ASRGL1: variants seen among roughly 807,000 people sequenced by gnomAD.
ASRGL1 encodes asparaginase and isoaspartyl peptidase 1.
ASRGL1 carries 16 observed loss-of-function variants against 22.4 expected under a neutral mutation model. That is an observed-to-expected ratio of 0.71 (90% CI 0.48 to 1.08). The LOEUF (loss-of-function observed/expected upper bound fraction) is 1.08. Among genes scored for constraint, ASRGL1 ranks in the 50% least tolerant of loss-of-function variants. The probability of loss-of-function intolerance (pLI) is 0.00; values close to 1 mark genes in which losing one functional copy is unlikely to be tolerated. For synonymous variants in ASRGL1, 165 were observed against 159.3 expected, an observed-to-expected ratio of 1.04 and a Z score of -0.27; for missense variants, 412 against 410.1, an observed-to-expected ratio of 1.00 and a Z score of -0.04.
intron 5 of ASRGL1, 39 bp from the exon 6 acceptor site, chr11:62,391,483 T>G: frequency 6.4e-7 from 1 of 1,570,472 alleles, no homozygotes; most frequent in Non-Finnish European, 8.6e-7. Context: ...TTGAATTTCT[T>G]GACTGTTACT....
intron 4 of ASRGL1, among the ~76,000 whole-genome samples, chr11:62,388,571 G>A (rs1947266513): frequency 6.6e-6 from 1 of 151,460 alleles, no homozygotes; most frequent in Non-Finnish European, 1.5e-5. Flanking sequence ...TTGGGAGGCT[G>A]AGGCAGGAGA....
chr11:62,371,467 G>A (rs920031133), intron 4 of ASRGL1: 4 of 618,840 alleles, frequency 6.5e-6, no homozygotes, highest in African/African-American at 3.7e-5. Context: ...TGGATTTAGG[G>A]CTGTGCAGGC....
In ASRGL1 at chr11:62,369,115, T is replaced by C. The variant is rs376759465; in HGVS notation, c.491+11971T>C. Reference sequence around the variant, plus strand: ...CAGGCTATCACATGGGGAGAAACCCTGGACAATATCTGGCTTTGCTAGGCA... The same window carrying C: ...CAGGCTATCACATGGGGAGAAACCCCGGACAATATCTGGCTTTGCTAGGCA... On this transcript the variant is annotated intron_variant, in intron 4 of 6. Transcript: ENST00000415229. 2.0e-5 allele frequency among the ~76,000 whole-genome samples: 3 copies of C among 152,186 alleles called. No homozygotes were observed. In the South Asian group the frequency reaches 6.2e-4, roughly 31 times the overall value.
intron 2 of ASRGL1, among the ~76,000 whole-genome samples, chr11:62,347,563 C>G (rs1390006675): frequency 1.3e-5 from 2 of 152,056 alleles, no homozygotes; most frequent in Admixed American, 1.3e-4. Context: ...ACAGGAAGAC[C>G]AAACTTTGTG....
chr11:62,338,146 G>A lies in ASRGL1; in HGVS notation c.169G>A (p.Asp57Asn). The A allele has an allele frequency of 1.3e-6, 2 of 1,583,852 alleles. No individual in the cohort carries two copies. The highest frequency in any genetic ancestry group is 1.7e-6 in the Non-Finnish European group (2 of 1,166,576). Reference protein sequence around the residue: ...AVEGAVVALEDDPEFNAGCGS... With the variant: ...AVEGAVVALENDPEFNAGCGS... ...AGAGGGAGCTGTCGTCGCCCTGGAA[G>A]ACGATCCCGAGTTCAACGCAGGTAA... The change falls in exon 2 of 7, where the codon GAC becomes AAC. Residue 57 changes from aspartate to asparagine, a missense_variant. By Grantham distance (23) the Asp-to-Asn change is conservative (BLOSUM62 1). Transcript: ENST00000415229.
intron 4 of ASRGL1, chr11:62,373,061 C>T: frequency 7.0e-7 from 1 of 1,430,254 alleles, no homozygotes; most frequent in Non-Finnish European, 9.9e-7. Flanking sequence ...ATGGCATTTT[C>T]TCAGAGCCGG....
At chr11:62,337,836 C>T (rs1945759816) in intron 1 of ASRGL1, 54 bp from the exon 2 acceptor site, 2 of 895,082 alleles carry the variant, frequency 2.2e-6, no homozygotes, top group South Asian at 3.7e-5. Flanking sequence ...CCCCTACCCA[C>T]CCCCAGCTGC....
intron 4 of ASRGL1, among the ~76,000 whole-genome samples, chr11:62,374,443 A>G (rs780773702): frequency 9.2e-5 from 14 of 152,230 alleles, no homozygotes; most frequent in Middle Eastern, 3.4e-3. Context: ...TTTAAAATAG[A>G]TATTTAGTTC....
intron 2 of ASRGL1, among the ~76,000 whole-genome samples, chr11:62,354,762 G>T (rs1021046512): frequency 6.6e-5 from 10 of 152,086 alleles, no homozygotes; most frequent in African/African-American, 2.4e-4. Context: ...GGTTGACTGA[G>T]GATAACTGAA....
intron 2 of ASRGL1, among the ~76,000 whole-genome samples, chr11:62,341,091 A>G (rs926246715): frequency 6.6e-6 from 1 of 152,168 alleles, no homozygotes; most frequent in Non-Finnish European, 1.5e-5. Context: ...TGGCAACCAA[A>G]TGACCATTTG....
At chr11:62,357,224 CTTTTG>C (rs58891136) in intron 4 of ASRGL1, 80 bp downstream of exon 4, 16,126 of 726,716 alleles carry the variant, frequency 0.022, 216 homozygotes, top group African/African-American at 0.041. Flanking sequence ...ATCTACAGTT[CTTTTG>C]TTTTGTTTTG....
chr11:62,375,674 A>G (rs1358302121), intron 4 of ASRGL1, among the ~76,000 whole-genome samples: 1 of 151,572 alleles, frequency 6.6e-6, no homozygotes, highest in African/African-American at 2.4e-5. Context: ...CCCATACACT[A>G]TTATTAACAT....
intron 4 of ASRGL1, among the ~76,000 whole-genome samples, chr11:62,362,614 A>G (rs868680551): frequency 8.6e-5 from 6 of 69,558 alleles, no homozygotes; most frequent in Admixed American, 5.1e-4. Flanking sequence ...TAAAATATAT[A>G]TTATATATTA....
chr11:62,353,190 T>A (rs980405127), intron 2 of ASRGL1, among the ~76,000 whole-genome samples: 5 of 152,186 alleles, frequency 3.3e-5, no homozygotes, highest in African/African-American at 1.2e-4. Flanking sequence ...TTGTCTGTTC[T>A]GCTGTTAAGC....
intron 4 of ASRGL1, among the ~76,000 whole-genome samples, chr11:62,363,811 A>G (rs1310606463): frequency 1.3e-5 from 2 of 152,162 alleles, no homozygotes; most frequent in East Asian, 3.8e-4. Context: ...ATGTTGACTC[A>G]AGAAAGATTG....
intron 2 of ASRGL1, among the ~76,000 whole-genome samples, chr11:62,356,027 A>G (rs1946282820): frequency 6.6e-6 from 1 of 152,210 alleles, no homozygotes; most frequent in Non-Finnish European, 1.5e-5. Context: ...ACTTCCTTCT[A>G]CACAGACACG....
At chr11:62,356,231 G>A (rs1288976226) in intron 2 of ASRGL1, 94 bp from the exon 3 acceptor site, 4 of 1,468,974 alleles carry the variant, frequency 2.7e-6, no homozygotes. Flanking sequence ...CCCGGATGGG[G>A]CGGCTGGCCG....
chr11:62,383,896 A>G (rs1477685569), intron 4 of ASRGL1, among the ~76,000 whole-genome samples: 1 of 142,606 alleles, frequency 7.0e-6, no homozygotes, highest in Admixed American at 7.3e-5. Context: ...CCTGGGCGAC[A>G]GGGCAAGAGT....
rs368572370 is a variant in ASRGL1, at chr11:62,392,139, G to A, written c.782G>A (p.Gly261Asp). 6.2e-7 allele frequency: 1 copy of A among 1,614,226 alleles called. No homozygotes were observed. Among genetic ancestry groups the A allele is most frequent in the African/African-American group, 1.3e-5 (1 of 75,042 alleles). ...SLGYMKSRVK[G>D]LGGLIVVSKT... ...GGTTATATGAAGTCAAGGGTTAAAGGTTTAGGTGGCCTCATCGTGGTTAGC... is the reference window on the plus strand; with the variant it reads ...GGTTATATGAAGTCAAGGGTTAAAGATTTAGGTGGCCTCATCGTGGTTAGC... The change falls in exon 7 of 7, where the codon GGT (glycine) becomes GAT (aspartate). Residue 261 changes from glycine (G) to aspartate (D), a missense_variant. Transcript: ENST00000415229.
Sources: gnomAD v4.1 joint callset for allele counts (sites outside exome capture counted in the v4.1 genomes callset) on GRCh38, gnomAD v4.1.1 for gene constraint, MANE v1.5 for transcripts, NCBI Gene and HGNC (gene_info 2026-07-23, HGNC 2026-07-21) for gene names.